Variants in ACTL6B observed in about 807,000 individuals in gnomAD.
ACTL6B encodes the protein actin-like protein 6B.
In ACTL6B, 48 loss-of-function variants were observed where a neutral mutation model predicts 63.3. That is an observed-to-expected ratio of 0.76 (90% CI 0.60 to 0.96). The LOEUF is 0.96. ACTL6B is among the 50% of genes least tolerant of loss of function. ACTL6B has a pLI of 0.00. For missense variants in ACTL6B, 350 were observed against 572.2 expected, an observed-to-expected ratio of 0.61 and a Z score of 3.96; for synonymous variants, 230 against 223.8, an observed-to-expected ratio of 1.03 and a Z score of -0.25.
intron 4 of ACTL6B, among the ~76,000 whole-genome samples, chr7:100,652,421 C>CAA (rs35689439): frequency 4.2e-5 from 4 of 94,948 alleles, no homozygotes; most frequent in Non-Finnish European, 8.4e-5. Context: ...GACTCCATCT[C>CAA]AAAAAAAAAA....
rs189743487 is a variant in ACTL6B at position 100,654,218 on chromosome 7, C to T, written c.369+801G>A. Among the ~76,000 whole-genome samples the T allele has an allele frequency of 1.4e-4, 21 of 151,810 alleles. 1 individual carries two copies. Among genetic ancestry groups the T allele is most frequent in the African/African-American group, 3.1e-4 (13 of 41,472 alleles). The stretch of plus-strand genomic sequence containing the variant: ...TGATCTCTTGACCTCGTGATCCACC[C>T]GCCTCGGCCTCCCAAAGTGCTGGGA... On this transcript the variant is annotated intron_variant, in intron 4 of 13. Transcript: ENST00000160382.
Position 100,643,285 on chromosome 7 carries a change from CT to C in ACTL6B, c.1241del (p.Glu414GlyfsTer47). 6.2e-7 allele frequency: 1 copy of C among 1,614,008 alleles called. No homozygotes were observed. Among genetic ancestry groups the C allele is most frequent in the Non-Finnish European group, 8.5e-7 (1 of 1,179,998 alleles). The part of the protein sequence containing the change: ...QQMWISKQEY[E>X]EGGKQCVERK... ...GCTCCACGCACTGCTTCCCGCCCTCCTCATATTCCTGCTTGGAGATCCACAT... is the reference window on the plus strand; with the variant it reads ...GCTCCACGCACTGCTTCCCGCCCTCCCATATTCCTGCTTGGAGATCCACAT... On this transcript the variant is annotated frameshift_variant, in exon 14 of 14. Transcript: ENST00000160382. LOFTEE classifies it high-confidence loss of function.
rs773081286 is a variant in ACTL6B at position 100,650,026 on chromosome 7, T to C, written c.467+12A>G. On this transcript the variant is annotated intron_variant, in intron 5 of 13. Transcript: ENST00000160382. Reference sequence around the variant, plus strand: ...CCTCCACCCAGTCAGAGCAGCTCAGTCCAGAGGATACGCGGTGAGCACAGC... The same window carrying C: ...CCTCCACCCAGTCAGAGCAGCTCAGCCCAGAGGATACGCGGTGAGCACAGC... 4 of 1,612,666 alleles carry C rather than the reference T, an allele frequency of 2.5e-6. No individual in the cohort carries two copies. Among genetic ancestry groups the C allele is most frequent in the Non-Finnish European group, 3.4e-6 (4 of 1,179,378 alleles).
At chr7:100,644,148 C>T (rs1803776561) in intron 13 of ACTL6B, among the ~76,000 whole-genome samples, 1 of 152,208 alleles carries the variant, frequency 6.6e-6, no homozygotes, top group African/African-American at 2.4e-5. Flanking sequence ...GATCCGCCCG[C>T]CTCGGCCTCC....
chr7:100,656,247 GC>G, intron 1 of ACTL6B, 82 bp downstream of exon 1: 3 of 1,337,396 alleles, frequency 2.2e-6, no homozygotes, highest in South Asian at 1.8e-5. Flanking sequence ...GAGGTGACAG[GC>G]CCCGGGGTGC....
chr7:100,649,104 TGCCTCAGCCTCCC>T (rs1041456514), intron 5 of ACTL6B, among the ~76,000 whole-genome samples: 1 of 151,692 alleles, frequency 6.6e-6, no homozygotes, highest in Non-Finnish European at 1.5e-5. Context: ...GCCATTCTCC[TGCCTCAGCCTCCC>T]GAGTAGCTGG....
At chr7:100,653,213 G>C in intron 4 of ACTL6B, among the ~76,000 whole-genome samples, 1 of 151,964 alleles carries the variant, frequency 6.6e-6, no homozygotes. Context: ...TTTGTTAGCT[G>C]AAGTAGAAGG....
At position 100,648,502 on chromosome 7, in the gene ACTL6B, A is replaced by G. The variant is rs1350661734; in HGVS notation, c.669+54T>C. 6.8e-7 allele frequency: 1 copy of G among 1,462,686 alleles called. No individual in the cohort carries two copies. The highest frequency in any genetic ancestry group is 2.4e-5 in the East Asian group (1 of 41,464). 90.6% of individuals were successfully genotyped at this position (1,462,686 alleles called of 1,614,324 possible). On this transcript the variant is annotated intron_variant, in intron 7 of 13. Coordinates refer to ENST00000160382, the MANE Select transcript of ACTL6B (RefSeq NM_016188.5). This position sits in a 1 kb window ranked among gnomAD's most constrained non-coding sequence, Gnocchi z 4.4. ...CTCATGTGTCAGAGGGTTGACGGCC[A>G]TGGGGCGAGTGGCCAGGACTCTAGT...
chr7:100,651,814 A>T (rs1374390724), intron 4 of ACTL6B, among the ~76,000 whole-genome samples: 1 of 151,890 alleles, frequency 6.6e-6, no homozygotes, highest in Non-Finnish European at 1.5e-5. Context: ...AAACTCCTGG[A>T]CTCAAGGCCT....
Position 100,647,917 on chromosome 7 carries a change from G to A in ACTL6B, c.670-384C>T, listed in dbSNP as rs1318620797. Among the ~76,000 whole-genome samples the A allele has an allele frequency of 1.3e-5, 2 of 151,588 alleles. No individual in the cohort carries two copies. The highest frequency in any genetic ancestry group is 2.9e-5 in the Non-Finnish European group (2 of 67,968). On this transcript the variant is annotated intron_variant, in intron 7 of 13. Coordinates refer to ENST00000160382, the MANE Select transcript of ACTL6B (RefSeq NM_016188.5). This position sits in a 1 kb window ranked among gnomAD's most constrained non-coding sequence, Gnocchi z 4.4. Reference sequence around the variant, plus strand: ...GTTCCACTTTACATAAGACAAACCTGAGGCCCAGGGAGCTTTGATATCATG... The same window carrying A: ...GTTCCACTTTACATAAGACAAACCTAAGGCCCAGGGAGCTTTGATATCATG...
Position 100,647,085 on chromosome 7 carries a change from C to G in ACTL6B, c.822G>C (p.Gln274His). ...GCACTGTGGGCATTTGTGCAGCCACCCTACCCAGAAGGGAGCAGGACTCTG... is the reference window on the plus strand; with the variant it reads ...GCACTGTGGGCATTTGTGCAGCCACGCTACCCAGAAGGGAGCAGGACTCTG... ...LQVSDSPYDE[Q>H]VAAQMPTVHY... The change falls in exon 10 of 14, where the codon CAG (glutamine) becomes CAC (histidine). Residue 274 changes from glutamine to histidine, a missense_variant and splice_region_variant. Gln to His is a conservative substitution (Grantham distance 24). This residue lies in a region of ACTL6B where 250 missense variants were observed against 364.7 expected (regional missense o/e 0.69). Transcript: ENST00000160382. The surrounding 1 kb of genome is among the most constrained non-coding windows in gnomAD (Gnocchi z 4.4). 1 of 1,614,022 alleles carries G rather than the reference C, an allele frequency of 6.2e-7. No individual in the cohort carries two copies. Among genetic ancestry groups the G allele is most frequent in the Non-Finnish European group, 8.5e-7 (1 of 1,179,970 alleles).
intron 13 of ACTL6B, among the ~76,000 whole-genome samples, chr7:100,644,803 C>T (rs1368442019): frequency 6.6e-6 from 1 of 151,358 alleles, no homozygotes; most frequent in Non-Finnish European, 1.5e-5. Flanking sequence ...CACCTGTAAT[C>T]CCAGCACTTT....
intron 4 of ACTL6B, among the ~76,000 whole-genome samples, chr7:100,652,635 G>A (rs1476353073): frequency 2.0e-5 from 3 of 150,248 alleles, no homozygotes; most frequent in Non-Finnish European, 4.4e-5. Flanking sequence ...TGGAATTGAC[G>A]TCTTGACAAA....
At chr7:100,649,942 G>C (rs1803903477) in intron 5 of ACTL6B, 96 bp downstream of exon 5, 3 of 1,128,700 alleles carry the variant, frequency 2.7e-6, no homozygotes, top group South Asian at 1.3e-5. Flanking sequence ...GATCTTCAGA[G>C]AACCAGGCCT....
At chr7:100,644,906 A>G (rs1353470570) in intron 13 of ACTL6B, among the ~76,000 whole-genome samples, 1 of 152,074 alleles carries the variant, frequency 6.6e-6, no homozygotes, top group Non-Finnish European at 1.5e-5. Context: ...CAATCCAAAA[A>G]TTAGCCAGGC....
Position 100,656,343 on chromosome 7 carries a change from GC to G in ACTL6B, c.11del (p.Gly4AlafsTer86). 2.9e-6 allele frequency: 4 copies of G among 1,377,108 alleles called. No individual in the cohort carries two copies. The highest frequency in any genetic ancestry group is 3.8e-6 in the Non-Finnish European group (4 of 1,060,010). The allele number at this position is 1,377,108 out of a possible 1,614,324, so 85.3% of individuals were successfully genotyped here. A position where few individuals can be genotyped will look rare whatever the true frequency, so the allele number is the denominator to read the frequency against. On this transcript the variant is annotated frameshift_variant, in exon 1 of 14. Coordinates refer to ENST00000160382, the MANE Select transcript of ACTL6B (RefSeq NM_016188.5). LOFTEE classifies it high-confidence loss of function. The stretch of plus-strand genomic sequence containing the variant: ...AGGCTCGCTCACCTCCGCCGTAGAC[GC>G]CCCCGCTCATAGTGCCCGCTGCGCT... Reference protein sequence around the residue: MSGGVYGGDEVGAL... With the variant: MSGXVYGGDEVGAL...
intron 5 of ACTL6B, among the ~76,000 whole-genome samples, chr7:100,649,131 T>C (rs1242971442): frequency 6.6e-6 from 1 of 151,800 alleles, no homozygotes; most frequent in Non-Finnish European, 1.5e-5. Context: ...TAGCTGGGAC[T>C]ACAGGTGCCT....
chr7:100,646,892 T>C lies in ACTL6B; in HGVS notation c.937-61A>G. 1 of 1,251,406 alleles carries C rather than the reference T, an allele frequency of 8.0e-7. No homozygotes were observed. Among genetic ancestry groups the C allele is most frequent in the South Asian group, 1.2e-5 (1 of 83,836 alleles). The allele number at this position is 1,251,406 out of a possible 1,614,324, so 77.5% of individuals were successfully genotyped here. A position where few individuals can be genotyped will look rare whatever the true frequency, so the allele number is the denominator to read the frequency against. On this transcript the variant is annotated intron_variant, in intron 10 of 13. Coordinates refer to ENST00000160382, the MANE Select transcript of ACTL6B (RefSeq NM_016188.5). This position sits in a 1 kb window ranked among gnomAD's most constrained non-coding sequence, Gnocchi z 6.1. ...CCCCCTTCCCCCCAGACCCCTGCAA[T>C]CCTTCCCAGCCTCCCCCACGCCCCA...
Position 100,647,510 on chromosome 7 carries a change from G to A in ACTL6B, c.693C>T (p.Pro231=), listed in dbSNP as rs757785400. ...AAKEPVREGA[P]PNWKKKEKLP... is the part of the protein sequence containing the mutation. Reference sequence around the variant, plus strand: ...GCTTCTCCTTCTTCTTCCAGTTTGGGGGGGCACCCTCCCGGACAGGCTCCT... The same window carrying A: ...GCTTCTCCTTCTTCTTCCAGTTTGGAGGGGCACCCTCCCGGACAGGCTCCT... The change falls in exon 8 of 14, where the codon CCC becomes CCT. Residue 231 remains proline, a synonymous_variant. Transcript: ENST00000160382. This position sits in a 1 kb window ranked among gnomAD's most constrained non-coding sequence, Gnocchi z 4.4. 1.2e-6 allele frequency: 2 copies of A among 1,607,846 alleles called. No homozygotes were observed. The highest frequency in any genetic ancestry group is 8.5e-7 in the Non-Finnish European group (1 of 1,176,846).
Sources: gnomAD v4.1 joint callset for allele counts (sites outside exome capture counted in the v4.1 genomes callset) on GRCh38, gnomAD v4.1.1 for gene constraint, gnomAD v4.1.1 regional missense constraint, Gnocchi (gnomAD v3.1) non-coding constraint, MANE v1.5 for transcripts, NCBI Gene and HGNC (gene_info 2026-07-23, HGNC 2026-07-21) for gene names.